The following DNAH9 variants were observed in gnomAD, a reference collection of about 807,000 sequenced individuals.
DNAH9 encodes the protein dynein axonemal heavy chain 9, also known as DNAH9 variant protein.
Under a neutral mutation model 471.6 loss-of-function variants are expected in DNAH9, and 345 were observed. That is an observed-to-expected ratio of 0.73 (90% CI 0.67 to 0.80). The LOEUF is 0.80. DNAH9 is among the 30% of genes least tolerant of loss of function. The probability of loss-of-function intolerance (pLI) is 0.00; values close to 1 mark genes in which losing one functional copy is unlikely to be tolerated. For synonymous variants in DNAH9, 2,093 were observed against 2,123.6 expected, an observed-to-expected ratio of 0.99 and a Z score of 0.40; for missense variants, 5,407 against 5,609.2, an observed-to-expected ratio of 0.96 and a Z score of 1.15.
chr17:11,925,902 C>G (rs538887072), intron 62 of DNAH9, among the ~76,000 whole-genome samples: 9 of 151,902 alleles, frequency 5.9e-5, no homozygotes, highest in Non-Finnish European at 1.3e-4. Context: ...AACAAAAGAT[C>G]CTTACTGGTT....
Position 11,706,331 on chromosome 17 carries a change from A to C in DNAH9, c.5552+1146A>C, listed in dbSNP as rs1385142128. ...AGACAGTATTTCCATCACTTATATTAATTCACACATGAATGAATTCACGCC... is the reference window on the plus strand; with the variant it reads ...AGACAGTATTTCCATCACTTATATTCATTCACACATGAATGAATTCACGCC... On this transcript the variant is annotated intron_variant, in intron 26 of 68. Coordinates refer to ENST00000262442, the MANE Select transcript of DNAH9 (RefSeq NM_001372.4). Among the ~76,000 whole-genome samples the C allele has an allele frequency of 1.3e-5, 2 of 152,160 alleles. 1 individual carries two copies. The highest frequency in any genetic ancestry group is 2.9e-5 in the Non-Finnish European group (2 of 68,034).
intron 6 of DNAH9, among the ~76,000 whole-genome samples, chr17:11,624,971 A>T (rs1272889510): frequency 6.6e-6 from 1 of 152,182 alleles, no homozygotes; most frequent in Non-Finnish European, 1.5e-5. Flanking sequence ...AAGTATATAA[A>T]ATCTTTGCAA....
intron 49 of DNAH9, among the ~76,000 whole-genome samples, chr17:11,851,876 T>C (rs1489296907): frequency 1.3e-5 from 2 of 152,136 alleles, no homozygotes; most frequent in Admixed American, 1.3e-4. Context: ...TTACTGTACG[T>C]GGAAACATCG....
chr17:11,762,758 G>GTTTTTTTTTTTTTTTTTTTTTTT (rs111963634), intron 35 of DNAH9, among the ~76,000 whole-genome samples: 3 of 94,766 alleles, frequency 3.2e-5, no homozygotes, highest in Non-Finnish European at 6.4e-5. Flanking sequence ...CTTTAGGTGC[G>GTTTTTTTTTTTTTTTTTTTTTTT]TTTTTTTTTT....
intron 30 of DNAH9, among the ~76,000 whole-genome samples, chr17:11,743,475 C>T (rs1178977852): frequency 6.6e-6 from 1 of 152,200 alleles, no homozygotes; most frequent in East Asian, 1.9e-4. Context: ...TTTAAAAACG[C>T]TCCTCACTGG....
At chr17:11,826,455 G>GC (rs1970496246) in intron 48 of DNAH9, among the ~76,000 whole-genome samples, 1 of 78,970 alleles carries the variant, frequency 1.3e-5, no homozygotes, top group African/African-American at 5.1e-5. Flanking sequence ...CTTTTTCTTG[G>GC]TTTTTTTTTT....
At chr17:11,861,079 G>C (rs1422490536) in intron 50 of DNAH9, among the ~76,000 whole-genome samples, 1 of 150,566 alleles carries the variant, frequency 6.6e-6, no homozygotes, top group East Asian at 1.9e-4. Flanking sequence ...ACAATGTGCA[G>C]GTTAGTTACA....
intron 62 of DNAH9, among the ~76,000 whole-genome samples, 166 bp downstream of exon 62, chr17:11,924,107 T>C (rs1405932179): frequency 6.6e-6 from 1 of 152,122 alleles, no homozygotes; most frequent in Non-Finnish European, 1.5e-5. Flanking sequence ...ACTCATATGT[T>C]CTCTTCCCCA....
At chr17:11,858,624 C>T (rs1971708552) in intron 50 of DNAH9, among the ~76,000 whole-genome samples, 1 of 152,152 alleles carries the variant, frequency 6.6e-6, no homozygotes, top group Non-Finnish European at 1.5e-5. Flanking sequence ...GAATTTCTGA[C>T]TTCTGTCCAT....
intron 67 of DNAH9, among the ~76,000 whole-genome samples, chr17:11,945,564 G>T (rs1041623120): frequency 6.0e-5 from 9 of 150,518 alleles, no homozygotes; most frequent in Non-Finnish European, 1.2e-4. Flanking sequence ...TCACTTTAAA[G>T]TTCTGGGACT....
chr17:11,715,534 T>A (rs945456853), intron 26 of DNAH9, among the ~76,000 whole-genome samples: 1 of 152,000 alleles, frequency 6.6e-6, no homozygotes, highest in Non-Finnish European at 1.5e-5. Context: ...GGTGAAAGAG[T>A]CAAACGGCCT....
chr17:11,893,195 A>AAAAAT (rs1567881022), intron 58 of DNAH9, among the ~76,000 whole-genome samples: 2 of 150,650 alleles, frequency 1.3e-5, no homozygotes. Context: ...AAAAAAAAAA[A>AAAAAT]TGTGGGCCCC....
chr17:11,865,350 C>T (rs1972006010), intron 50 of DNAH9, among the ~76,000 whole-genome samples: 1 of 151,678 alleles, frequency 6.6e-6, no homozygotes, highest in South Asian at 2.1e-4. Flanking sequence ...TATTGGCCCC[C>T]ACTCTCTTCT....
intron 49 of DNAH9, among the ~76,000 whole-genome samples, chr17:11,844,097 A>G (rs534051038): frequency 4.6e-5 from 7 of 151,606 alleles, no homozygotes; most frequent in African/African-American, 1.4e-4. Context: ...ATAAAGAAAT[A>G]AAACTGTAAA....
chr17:11,630,776 G>A (rs1597408369), intron 7 of DNAH9, among the ~76,000 whole-genome samples: 1 of 152,124 alleles, frequency 6.6e-6, no homozygotes, highest in South Asian at 2.1e-4. Context: ...TAGATCCTAA[G>A]TGTTCTCACC....
intron 49 of DNAH9, among the ~76,000 whole-genome samples, chr17:11,843,034 A>G (rs79084821): frequency 0.018 from 2,741 of 152,256 alleles, 79 homozygotes; most frequent in African/African-American, 0.062. Context: ...ATATTTGGCT[A>G]TTTCGCTAGC....
chr17:11,762,904 CA>C (rs1161608222), intron 35 of DNAH9, among the ~76,000 whole-genome samples: 1 of 151,460 alleles, frequency 6.6e-6, no homozygotes. Flanking sequence ...CTCAGCCTCC[CA>C]AGTAGCTGGG....
At chr17:11,659,893 G>T (rs1394790070) in intron 14 of DNAH9, among the ~76,000 whole-genome samples, 1 of 152,152 alleles carries the variant, frequency 6.6e-6, no homozygotes, top group Non-Finnish European at 1.5e-5. Flanking sequence ...TAGCCCCCAC[G>T]ACCTGGTGTT....
rs947186869 is a variant in DNAH9, at chr17:11,738,766, G to A, written c.5815-114G>A. ...TCATCATGCCTGTCTTTCAGTGAAAGGGTCCACAGGACAGTTCTTCGTGCT... is the reference window on the plus strand; with the variant it reads ...TCATCATGCCTGTCTTTCAGTGAAAAGGTCCACAGGACAGTTCTTCGTGCT... On this transcript the variant is annotated intron_variant, in intron 28 of 68. Transcript: ENST00000262442. 6.9e-6 allele frequency: 6 copies of A among 863,810 alleles called. No individual in the cohort carries two copies. In the South Asian group the frequency reaches 9.4e-5, roughly 14 times the overall value. The allele number at this position is 863,810 out of a possible 1,614,324, so 53.5% of individuals were successfully genotyped here. A position where few individuals can be genotyped will look rare whatever the true frequency, so the allele number is the denominator to read the frequency against.
Sources: gnomAD v4.1 joint callset for allele counts (sites outside exome capture counted in the v4.1 genomes callset) on GRCh38, gnomAD v4.1.1 for gene constraint, MANE v1.5 for transcripts, NCBI Gene and HGNC (gene_info 2026-07-23, HGNC 2026-07-21) for gene names.